Variants in ZMYM2 observed in about 807,000 individuals in gnomAD.
ZMYM2 encodes the protein zinc finger MYM-type containing 2, also known as zinc finger MYM-type protein 2.
A neutral mutation model predicts 162.8 loss-of-function variants in ZMYM2; 56 were observed. The observed-to-expected ratio is 0.34, with a 90% CI of 0.28 to 0.43. ZMYM2 has a LOEUF of 0.43. ZMYM2 is among the 20% of genes least tolerant of loss of function. The probability of loss-of-function intolerance (pLI) is 1.00; values close to 1 mark genes in which losing one functional copy is unlikely to be tolerated. For synonymous variants in ZMYM2, 510 were observed against 541.6 expected, an observed-to-expected ratio of 0.94 and a Z score of 0.81; for missense variants, 1,275 against 1,621.8, an observed-to-expected ratio of 0.79 and a Z score of 3.67.
the ZMYM2 span, among the ~76,000 whole-genome samples, chr13:19,923,527 CTT>C: frequency 6.1e-5 from 9 of 147,094 alleles, no homozygotes; most frequent in East Asian, 2.0e-4. Flanking sequence ...TGTTTGGGGT[CTT>C]TTTTTTTTTA....
chr13:19,908,422 C>T, the ZMYM2 span, among the ~76,000 whole-genome samples: 11 of 152,066 alleles, frequency 7.2e-5, no homozygotes, highest in Non-Finnish European at 1.3e-4. Context: ...ATAAAGATAC[C>T]CTGTCTCTAA....
chr13:20,059,462 CAG>C lies in ZMYM2; in HGVS notation c.2641_2642del (p.Glu881IlefsTer47). 1 of 1,612,462 alleles carries C rather than the reference CAG, an allele frequency of 6.2e-7. No homozygotes were observed. Among genetic ancestry groups the C allele is most frequent in the Non-Finnish European group, 8.5e-7 (1 of 1,178,638 alleles). On this transcript the variant is annotated frameshift_variant, in exon 16 of 25. Transcript: ENST00000610343. LOFTEE classifies it high-confidence loss of function. ...GTGTTTTTAGATGATACTTGGAGGA[CAG>C]AATATGTTCCAGTGCCTATCCCTGT... is the stretch of plus-strand genomic sequence containing the variant.
chr13:19,965,110 T>TA (rs1955624472), intron 2 of ZMYM2: 3 of 461,580 alleles, frequency 6.5e-6, no homozygotes, highest in Non-Finnish European at 9.8e-6. Context: ...GAAAAATACT[T>TA]ACATAGCTAT....
the ZMYM2 span, among the ~76,000 whole-genome samples, chr13:19,867,223 CAT>C: frequency 3.9e-5 from 6 of 152,074 alleles, no homozygotes; most frequent in African/African-American, 1.2e-4. Flanking sequence ...CGTGGTGGCA[CAT>C]GCCTGTAATC....
At chr13:20,011,643 G>A (rs1594346489) in intron 6 of ZMYM2, among the ~76,000 whole-genome samples, 1 of 149,496 alleles carries the variant, frequency 6.7e-6, no homozygotes, top group Non-Finnish European at 1.5e-5. Context: ...GCAATGGCAC[G>A]ATCTTGGCTC....
At chr13:19,923,551 G>T in the ZMYM2 span, among the ~76,000 whole-genome samples, 3 of 149,078 alleles carry the variant, frequency 2.0e-5, no homozygotes, top group Non-Finnish European at 4.4e-5. Flanking sequence ...AAGAGACGGG[G>T]TTTCCCTATA....
intron 6 of ZMYM2, among the ~76,000 whole-genome samples, chr13:20,009,131 G>A (rs9971975): frequency 0.1 from 15,657 of 152,106 alleles, 1,314 homozygotes; most frequent in African/African-American, 0.22. Flanking sequence ...ATAAGAACCA[G>A]TTTATTTAGC....
chr13:19,919,787 C>G, the ZMYM2 span, among the ~76,000 whole-genome samples: 1 of 151,856 alleles, frequency 6.6e-6, no homozygotes, highest in African/African-American at 2.4e-5. Flanking sequence ...AAGCAGTTCT[C>G]CTGCCTCAGC....
At position 20,085,884 on chromosome 13, in the gene ZMYM2, C is replaced by T; in HGVS notation, c.4004C>T (p.Thr1335Ile). The T allele has an allele frequency of 6.2e-7, 1 of 1,613,482 alleles. No homozygotes were observed. The highest frequency in any genetic ancestry group is 8.5e-7 in the Non-Finnish European group (1 of 1,179,550). ...TTGCAACCAGAATGCTCTAGTTCTA[C>T]AGATAGCCCTGTCTGGTATACGTCT... The part of the protein sequence containing the change: ...FYLQPECSSS[T>I]DSPVWYTSTS... Residue 1335 changes from threonine to isoleucine, a missense_variant, in exon 25 of 25, where the codon ACA becomes ATA. Transcript: ENST00000610343.
chr13:19,947,663 T>TGGCTAGGCTG, the ZMYM2 span, among the ~76,000 whole-genome samples: 1 of 148,466 alleles, frequency 6.7e-6, no homozygotes, highest in Non-Finnish European at 1.5e-5. Flanking sequence ...TTCACCATGT[T>TGGCTAGGCTG]GGCTAGGCTA....
intron 16 of ZMYM2, among the ~76,000 whole-genome samples, chr13:20,060,267 TGTC>T (rs1431837397): frequency 6.6e-6 from 1 of 152,220 alleles, no homozygotes; most frequent in Admixed American, 6.5e-5. Flanking sequence ...GAATCTCTGT[TGTC>T]ATGATTGATT....
intron 9 of ZMYM2, among the ~76,000 whole-genome samples, chr13:20,030,422 G>A (rs1470130308): frequency 5.1e-4 from 68 of 134,128 alleles, no homozygotes; most frequent in African/African-American, 1.7e-3. Flanking sequence ...TTTTTGAGAC[G>A]GAGTCTCGCT....
chr13:20,061,515 C>CA (rs1956230878), intron 17 of ZMYM2, among the ~76,000 whole-genome samples: 1 of 151,936 alleles, frequency 6.6e-6, no homozygotes, highest in Non-Finnish European at 1.5e-5. Flanking sequence ...TGATGCAAAA[C>CA]TATAATAACT....
chr13:19,984,304 G>T (rs1277618882), intron 2 of ZMYM2, among the ~76,000 whole-genome samples: 1 of 152,066 alleles, frequency 6.6e-6, no homozygotes, highest in East Asian at 1.9e-4. Flanking sequence ...TCAAAATAAA[G>T]ACCAAATAGA....
rs151131203 is a variant in ZMYM2, at chr13:20,002,439, T to G, written c.848-411T>G. Among the ~76,000 whole-genome samples, 1,290 of 152,316 alleles carry G rather than the reference T, an allele frequency of 8.5e-3. 14 individuals are homozygous for G. The highest frequency in any genetic ancestry group is 0.029 in the African/African-American group (1,223 of 41,564). Reference sequence around the variant, plus strand: ...AGAGTAAGGCACAGTTTAAGTAGCTTCCCAATCTTGTAAGCGATGGAGCTA... The same window carrying G: ...AGAGTAAGGCACAGTTTAAGTAGCTGCCCAATCTTGTAAGCGATGGAGCTA... On this transcript the variant is annotated intron_variant, in intron 3 of 24. Transcript: ENST00000610343.
chr13:19,969,500 G>A (rs1956112725), intron 2 of ZMYM2, among the ~76,000 whole-genome samples: 1 of 152,168 alleles, frequency 6.6e-6, no homozygotes, highest in Non-Finnish European at 1.5e-5. Context: ...TGATGAGAGT[G>A]CTGTCAAGCA....
intron 2 of ZMYM2, among the ~76,000 whole-genome samples, chr13:19,970,772 C>T (rs1360903403): frequency 6.6e-6 from 1 of 152,098 alleles, no homozygotes; most frequent in Admixed American, 6.6e-5. Flanking sequence ...CTGGGGGTTA[C>T]AGATTACAAA....
chr13:19,941,720 CTTTTTT>C, the ZMYM2 span, among the ~76,000 whole-genome samples: 1 of 63,004 alleles, frequency 1.6e-5, no homozygotes, highest in Non-Finnish European at 2.7e-5. Context: ...TGGCTTTCTG[CTTTTTT>C]TTTTTTTTTT....
At chr13:19,966,631 G>A (rs1295173149) in intron 2 of ZMYM2, among the ~76,000 whole-genome samples, 3 of 151,704 alleles carry the variant, frequency 2.0e-5, no homozygotes, top group Non-Finnish European at 4.4e-5. Context: ...AGTATAGACG[G>A]GGTTTCTCCA....
Sources: gnomAD v4.1 joint callset for allele counts (sites outside exome capture counted in the v4.1 genomes callset) on GRCh38, gnomAD v4.1.1 for gene constraint, MANE v1.5 for transcripts, NCBI Gene and HGNC (gene_info 2026-07-23, HGNC 2026-07-21) for gene names.